DLG5: variants seen among roughly 807,000 people sequenced by gnomAD.
The protein encoded by DLG5 is disks large homolog 5.
A neutral mutation model predicts 189.8 loss-of-function variants in DLG5; 48 were observed. That is an observed-to-expected ratio of 0.25 (90% CI 0.20 to 0.32). DLG5 has a LOEUF of 0.32. DLG5 is among the 10% of genes least tolerant of loss of function. DLG5 has a pLI of 1.00. For synonymous variants in DLG5, 1,016 were observed against 1,054.1 expected (o/e 0.96, Z 0.70); for missense variants, 2,160 against 2,544.7 (o/e 0.85, Z 3.25).
Position 77,896,733 on chromosome 10 carries a change from C to T in DLG5, c.305-27536G>A, listed in dbSNP as rs989921408. Among the ~76,000 whole-genome samples, 11 of 151,874 alleles carry T rather than the reference C, an allele frequency of 7.2e-5. No homozygotes were observed. The East Asian group carries it at 1.2e-3, about 16-fold the overall frequency. On this transcript the variant is annotated intron_variant, in intron 1 of 31. Transcript: ENST00000372391. ...TGACGAGAGGCTGAGGCAGGAGAAT[C>T]GCTTGAACCCAGGAGGCAGAGGTTG... is the stretch of plus-strand genomic sequence containing the variant.
At chr10:77,825,673 A>T (rs1258757227) in intron 13 of DLG5, among the ~76,000 whole-genome samples, 1 of 151,574 alleles carries the variant, frequency 6.6e-6, no homozygotes, top group African/African-American at 2.4e-5. Context: ...CTCCTATCTC[A>T]GTCTCCCGAG....
At chr10:77,861,540 GT>G (rs1446317439) in intron 2 of DLG5, among the ~76,000 whole-genome samples, 4 of 152,190 alleles carry the variant, frequency 2.6e-5, no homozygotes, top group Non-Finnish European at 5.9e-5. Flanking sequence ...AGACGTCTCA[GT>G]CTACAGCCAT....
intron 1 of DLG5, among the ~76,000 whole-genome samples, chr10:77,918,482 C>T (rs1223374638): frequency 6.6e-6 from 1 of 151,960 alleles, no homozygotes; most frequent in Non-Finnish European, 1.5e-5. Flanking sequence ...TTTAAATCCT[C>T]AAAGCAAATG....
At chr10:77,898,699 C>T (rs1263103231) in intron 1 of DLG5, among the ~76,000 whole-genome samples, 1 of 152,204 alleles carries the variant, frequency 6.6e-6, no homozygotes, top group Non-Finnish European at 1.5e-5. Flanking sequence ...CCTGAGTGCT[C>T]CTGAGGAAGT....
At chr10:77,878,329 T>C (rs1038302822) in intron 1 of DLG5, among the ~76,000 whole-genome samples, 4 of 152,110 alleles carry the variant, frequency 2.6e-5, no homozygotes, top group African/African-American at 9.7e-5. Context: ...GAATAGTAGG[T>C]GATGAGAACA....
chr10:77,859,187 T>C (rs990726946), intron 2 of DLG5, among the ~76,000 whole-genome samples: 7 of 152,264 alleles, frequency 4.6e-5, no homozygotes, highest in African/African-American at 1.7e-4. Context: ...AATGTGTTTG[T>C]GTTTTAAGCT....
intron 2 of DLG5, chr10:77,867,111 G>A (rs906636477): frequency 4.2e-5 from 19 of 456,602 alleles, no homozygotes; most frequent in Admixed American, 1.6e-4. Flanking sequence ...AGCTTCAGGT[G>A]AGTGCAGAAC....
chr10:77,819,172 C>G (rs934839725), intron 17 of DLG5, 149 bp downstream of exon 17: 1 of 1,125,072 alleles, frequency 8.9e-7, no homozygotes, highest in South Asian at 1.5e-5. Context: ...AGCCCTAAGG[C>G]TCCCTTTCCC....
chr10:77,867,113 G>A (rs76971440), intron 2 of DLG5: 2 of 456,574 alleles, frequency 4.4e-6, no homozygotes, highest in East Asian at 7.0e-5. Flanking sequence ...CTTCAGGTGA[G>A]TGCAGAACCA....
At chr10:77,793,561 T>A (rs3781172) in intron 31 of DLG5, 2 of 155,048 alleles carry the variant, frequency 1.3e-5, no homozygotes, top group African/African-American at 4.8e-5. Flanking sequence ...TTTTGTTTTT[T>A]TTTTTTTGGA....
chr10:77,917,827 G>C (rs186708654), intron 1 of DLG5, among the ~76,000 whole-genome samples: 1 of 151,818 alleles, frequency 6.6e-6, no homozygotes, highest in Non-Finnish European at 1.5e-5. Flanking sequence ...CGGAGTTCGA[G>C]ACCAGCCTGG....
At chr10:77,837,032 T>A (rs1315259677) in intron 7 of DLG5, among the ~76,000 whole-genome samples, 1 of 151,794 alleles carries the variant, frequency 6.6e-6, no homozygotes, top group Non-Finnish European at 1.5e-5. Flanking sequence ...CTGACCAACA[T>A]GGTAAAACCC....
intron 9 of DLG5, among the ~76,000 whole-genome samples, chr10:77,832,196 A>T (rs1842921429): frequency 6.6e-6 from 1 of 152,352 alleles, no homozygotes; most frequent in African/African-American, 2.4e-5. Context: ...CATCTCAAAA[A>T]AAAAAATTTG....
chr10:77,852,545 A>G (rs1564548964), intron 5 of DLG5, among the ~76,000 whole-genome samples: 1 of 151,842 alleles, frequency 6.6e-6, no homozygotes, highest in Non-Finnish European at 1.5e-5. Flanking sequence ...CCTCCCAAGT[A>G]GCTGGGACTA....
chr10:77,852,412 C>CTGTT (rs112697424), intron 5 of DLG5, among the ~76,000 whole-genome samples: 18,167 of 151,720 alleles, frequency 0.12, 3,616 homozygotes, highest in African/African-American at 0.41. Flanking sequence ...ACATTTGTCA[C>CTGTT]TGTTTGTTTG....
At chr10:77,878,125 A>G (rs1197912648) in intron 1 of DLG5, among the ~76,000 whole-genome samples, 3 of 152,152 alleles carry the variant, frequency 2.0e-5, no homozygotes, top group Non-Finnish European at 2.9e-5. Flanking sequence ...GTAAATGGAG[A>G]AGAGGCTGCC....
At chr10:77,904,641 G>A (rs180688867) in intron 1 of DLG5, among the ~76,000 whole-genome samples, 3 of 151,024 alleles carry the variant, frequency 2.0e-5, no homozygotes, top group South Asian at 2.1e-4. Context: ...AGGGGTTTCC[G>A]CCTTTGCTTC....
chr10:77,893,403 T>C (rs1305179390), intron 1 of DLG5, among the ~76,000 whole-genome samples: 1 of 152,168 alleles, frequency 6.6e-6, no homozygotes, highest in Non-Finnish European at 1.5e-5. Context: ...CCCTGTTAGG[T>C]AATGAGAACA....
intron 31 of DLG5, 45 bp from the exon 32 acceptor site, chr10:77,792,588 C>G: frequency 6.3e-7 from 1 of 1,591,196 alleles, no homozygotes; most frequent in Non-Finnish European, 8.6e-7. Flanking sequence ...CAGAGTAAGA[C>G]CCCAGGTTTG....
Sources: allele counts gnomAD v4.1 joint callset (sites outside exome capture counted in the v4.1 genomes callset), GRCh38; gene constraint gnomAD v4.1.1; transcripts MANE v1.5; gene names NCBI Gene and HGNC (gene_info 2026-07-23, HGNC 2026-07-21).